The following STT3B variants were observed in gnomAD, a reference collection of about 807,000 sequenced individuals.
STT3B encodes dolichyl-diphosphooligosaccharide--protein glycosyltransferase subunit STT3B.
STT3B carries 29 observed loss-of-function variants against 96.8 expected under a neutral mutation model. The observed-to-expected ratio is 0.30, with a 90% CI of 0.22 to 0.41. The LOEUF (loss-of-function observed/expected upper bound fraction) is 0.41. Ranked by LOEUF, STT3B falls within the 10% of genes least tolerant of loss-of-function variation. The probability of loss-of-function intolerance (pLI) is 1.00; values close to 1 mark genes in which losing one functional copy is unlikely to be tolerated. For missense variants in STT3B, 640 were observed against 1,022.3 expected (o/e 0.63, Z 5.10); for synonymous variants, 367 against 360.0 (o/e 1.02, Z -0.22).
rs1039709152 is a variant in STT3B, at chr3:31,555,071, G to A, written c.315-21325G>A. Among the ~76,000 whole-genome samples, 4 of 152,062 alleles carry A rather than the reference G, an allele frequency of 2.6e-5. No individual in the cohort carries two copies. The East Asian group carries it at 7.7e-4, about 29-fold the overall frequency. ...CAAACCATTCCAGACATATAAGAAT[G>A]ATGAAAAAGAAATATTCCCATCAGC... On this transcript the variant is annotated intron_variant, in intron 1 of 15. Coordinates refer to ENST00000295770, the MANE Select transcript of STT3B (RefSeq NM_178862.3).
chr3:31,619,931 A>G, intron 9 of STT3B, 101 bp downstream of exon 9: 1 of 1,512,390 alleles, frequency 6.6e-7, no homozygotes, highest in African/African-American at 1.4e-5. Context: ...GACTCTATAT[A>G]TTCAAGATAA....
chr3:31,625,833 C>A, intron 12 of STT3B, 121 bp from the exon 13 acceptor site: 1 of 908,780 alleles, frequency 1.1e-6, no homozygotes, highest in Non-Finnish European at 1.6e-6. Context: ...ATCATTTCTG[C>A]AAAAAAATTC....
intron 5 of STT3B, among the ~76,000 whole-genome samples, chr3:31,612,742 A>G (rs1325147163): frequency 2.0e-5 from 3 of 152,168 alleles, no homozygotes; most frequent in Non-Finnish European, 4.4e-5. Context: ...ACGCCTGGAA[A>G]TGAATTTGAG....
chr3:31,580,574 T>C (rs1453021535), intron 3 of STT3B, among the ~76,000 whole-genome samples: 1 of 152,216 alleles, frequency 6.6e-6, no homozygotes, highest in Admixed American at 6.5e-5. Flanking sequence ...ATTTTAGCTT[T>C]AGCTTGTAAT....
chr3:31,619,629 CTGTTT>C, intron 8 of STT3B, 42 bp from the exon 9 acceptor site: 1 of 1,512,564 alleles, frequency 6.6e-7, no homozygotes, highest in Non-Finnish European at 9.1e-7. Flanking sequence ...AAAGGAACTC[CTGTTT>C]TATCACTTAA....
Position 31,627,904 on chromosome 3 carries a change from CAT to C in STT3B, c.2074-1391_2074-1390del, listed in dbSNP as rs200963490. ...AAACTTTGTGAATAGATAATACACTCATATGGTTCAAAAGTAAAGTATAAGAG... is the reference window on the plus strand; with the variant it reads ...AAACTTTGTGAATAGATAATACACTCATGGTTCAAAAGTAAAGTATAAGAG... On this transcript the variant is annotated intron_variant, in intron 13 of 15. Transcript: ENST00000295770. Among the ~76,000 whole-genome samples, 1,070 of 151,948 alleles carry C rather than the reference CAT, an allele frequency of 7.0e-3. 11 individuals are homozygous for C. Among genetic ancestry groups the C allele is most frequent in the African/African-American group, 0.024 (987 of 41,424 alleles).
In STT3B at chr3:31,532,973, A is replaced by C. The variant is rs1696973801; in HGVS notation, c.-26A>C. 6.4e-7 allele frequency: 1 copy of C among 1,574,102 alleles called. No homozygotes were observed. The highest frequency in any genetic ancestry group is 1.4e-5 in the African/African-American group (1 of 70,702). On this transcript the variant is annotated 5_prime_UTR_variant, in exon 1 of 16. Coordinates refer to ENST00000295770, the MANE Select transcript of STT3B (RefSeq NM_178862.3). Reference sequence around the variant, plus strand: ...CCAGGCGGCGGCGGCGGAGGAGGAGAGCTAGACCCGCCGCCGGGGCACAAC... The same window carrying C: ...CCAGGCGGCGGCGGCGGAGGAGGAGCGCTAGACCCGCCGCCGGGGCACAAC...
intron 3 of STT3B, among the ~76,000 whole-genome samples, chr3:31,589,068 C>A (rs1033560301): frequency 2.0e-5 from 3 of 152,046 alleles, no homozygotes; most frequent in African/African-American, 7.2e-5. Context: ...CTATCATAAA[C>A]ATGGAATATC....
chr3:31,634,968 G>C (rs1263158114), intron 15 of STT3B, among the ~76,000 whole-genome samples: 1 of 152,124 alleles, frequency 6.6e-6, no homozygotes, highest in East Asian at 1.9e-4. Context: ...CTAATTTTTA[G>C]TACCTTAAGA....
chr3:31,613,865 G>A (rs1401245958), intron 5 of STT3B, among the ~76,000 whole-genome samples: 3 of 151,940 alleles, frequency 2.0e-5, no homozygotes, highest in African/African-American at 7.2e-5. Flanking sequence ...TGGAAAGAAC[G>A]TTATCTGATG....
At chr3:31,584,408 G>T (rs1329647860) in intron 3 of STT3B, among the ~76,000 whole-genome samples, 3 of 151,926 alleles carry the variant, frequency 2.0e-5, no homozygotes, top group African/African-American at 7.3e-5. Context: ...GGCTATATGG[G>T]GTGCCTTGCA....
At chr3:31,635,951 T>C (rs1268452538) in intron 15 of STT3B, 33 bp from the exon 16 acceptor site, 2 of 1,508,338 alleles carry the variant, frequency 1.3e-6, no homozygotes, top group Non-Finnish European at 1.8e-6. Flanking sequence ...GTAAGAAACC[T>C]GCATTAATAC....
chr3:31,578,328 A>G (rs1387468470), intron 2 of STT3B, among the ~76,000 whole-genome samples: 1 of 152,092 alleles, frequency 6.6e-6, no homozygotes. Flanking sequence ...GTGGGCTCCC[A>G]TGACATCAGC....
intron 2 of STT3B, among the ~76,000 whole-genome samples, chr3:31,579,293 A>G (rs909436837): frequency 2.6e-5 from 4 of 151,814 alleles, no homozygotes; most frequent in Non-Finnish European, 4.4e-5. Flanking sequence ...TTCCTTGCTT[A>G]CTTTCCAAAT....
intron 5 of STT3B, among the ~76,000 whole-genome samples, chr3:31,612,166 A>G (rs1367709327): frequency 6.6e-6 from 1 of 152,194 alleles, no homozygotes; most frequent in Non-Finnish European, 1.5e-5. Flanking sequence ...GTATAATGCA[A>G]ATATTCCAAA....
chr3:31,618,189 G>A (rs959429745), intron 8 of STT3B, among the ~76,000 whole-genome samples: 6 of 151,952 alleles, frequency 3.9e-5, no homozygotes, highest in South Asian at 2.1e-4. Flanking sequence ...TGAAATGTAC[G>A]TTGTGTATTA....
intron 1 of STT3B, 81 bp from the exon 2 acceptor site, chr3:31,576,315 G>T (rs1575422336): frequency 5.2e-5 from 30 of 579,786 alleles, no homozygotes; most frequent in East Asian, 1.2e-4. Flanking sequence ...ATACATTTAT[G>T]TAGCCACAGA....
At chr3:31,546,212 C>T (rs1053902799) in intron 1 of STT3B, among the ~76,000 whole-genome samples, 2 of 152,148 alleles carry the variant, frequency 1.3e-5, no homozygotes, top group African/African-American at 4.8e-5. Context: ...AGTGACAAAA[C>T]AGCATTTTAT....
chr3:31,602,295 A>G (rs1023698376), intron 5 of STT3B, among the ~76,000 whole-genome samples: 2 of 151,710 alleles, frequency 1.3e-5, no homozygotes, highest in South Asian at 4.2e-4. Flanking sequence ...AATAAATAAC[A>G]GATTAAACTT....
Sources: gnomAD v4.1 joint callset for allele counts (sites outside exome capture counted in the v4.1 genomes callset) on GRCh38, gnomAD v4.1.1 for gene constraint, MANE v1.5 for transcripts, NCBI Gene and HGNC (gene_info 2026-07-23, HGNC 2026-07-21) for gene names.